Variants in PXK observed in about 807,000 individuals in gnomAD.
The protein encoded by PXK is PX domain containing serine/threonine kinase like, also known as PX domain-containing protein kinase-like protein.
PXK carries 35 observed loss-of-function variants against 84.7 expected under a neutral mutation model. The ratio of observed to expected loss-of-function variants is 0.41; its 90% CI spans 0.32 to 0.55. The LOEUF is 0.55. Ranked by LOEUF, PXK falls within the 20% of genes least tolerant of loss-of-function variation. The pLI, the probability that PXK is intolerant of heterozygous loss-of-function variation, is 0.21. For missense variants in PXK, 634 were observed against 699.7 expected (o/e 0.91, Z 1.06); for synonymous variants, 253 against 260.8 (o/e 0.97, Z 0.29).
chr3:58,333,657 T>A lies in PXK; in HGVS notation c.102+567T>A, dbSNP rs1575575137. The A allele has an allele frequency of 2.2e-6, 1 of 456,336 alleles. No homozygotes were observed. The highest frequency in any genetic ancestry group is 1.5e-5 in the South Asian group (1 of 64,552). 28.3% of individuals were successfully genotyped at this position (456,336 alleles called of 1,614,324 possible). ...GCTTGGCCCTGGTCCCGGGAAGTGG[T>A]GGGGGCGGCAGTCGGGGCGCTGTTA... is the stretch of plus-strand genomic sequence containing the variant. On this transcript the variant is annotated intron_variant, in intron 1 of 17. Coordinates refer to ENST00000356151, the MANE Select transcript of PXK (RefSeq NM_017771.5). The surrounding 1 kb of genome is among the most constrained non-coding windows in gnomAD (Gnocchi z 5.4).
At position 58,409,974 on chromosome 3, in the gene PXK, G is replaced by C. The variant is rs948482578; in HGVS notation, c.1396-116G>C. 3 of 680,146 alleles carry C rather than the reference G, an allele frequency of 4.4e-6. No individual in the cohort carries two copies. Among genetic ancestry groups the C allele is most frequent in the Non-Finnish European group, 7.7e-6 (3 of 390,804 alleles). The allele number at this position is 680,146 out of a possible 1,614,324, so 42.1% of individuals were successfully genotyped here. The stretch of plus-strand genomic sequence containing the variant: ...AAGTTATGGGGCTGAATATTACCTT[G>C]TCTGCAGCTAGTTTAATGGTATGCC... On this transcript the variant is annotated intron_variant, in intron 15 of 17. Transcript: ENST00000356151. This position sits in a 1 kb window ranked among gnomAD's most constrained non-coding sequence, Gnocchi z 4.2.
rs1030405980 is a variant in PXK, at chr3:58,421,536, C to T, written c.1529-3216C>T. ...CGGAGCTTGCAGTGAGCCGAGATCGCGCCACTGCACTCCAGCCTGGGCAAC... is the reference window on the plus strand; with the variant it reads ...CGGAGCTTGCAGTGAGCCGAGATCGTGCCACTGCACTCCAGCCTGGGCAAC... On this transcript the variant is annotated intron_variant, in intron 17 of 17. Transcript: ENST00000356151. This position sits in a 1 kb window ranked among gnomAD's most constrained non-coding sequence, Gnocchi z 5.5. The T allele has an allele frequency of 6.4e-6, 6 of 941,128 alleles. No individual in the cohort carries two copies. The highest frequency in any genetic ancestry group is 1.8e-5 in the African/African-American group (1 of 56,130). The allele number at this position is 941,128 out of a possible 1,614,324, so 58.3% of individuals were successfully genotyped here. A position where few individuals can be genotyped will look rare whatever the true frequency, so the allele number is the denominator to read the frequency against.
chr3:58,378,508 T>TG (rs1478546551), intron 3 of PXK, among the ~76,000 whole-genome samples: 52 of 28,510 alleles, frequency 1.8e-3, no homozygotes, highest in African/African-American at 4.2e-3. Flanking sequence ...TTTTTTTTTT[T>TG]TTTTTGTGTG....
At chr3:58,384,844 G>C (rs2108837150) in intron 4 of PXK, among the ~76,000 whole-genome samples, 1 of 152,306 alleles carries the variant, frequency 6.6e-6, no homozygotes, top group Non-Finnish European at 1.5e-5. Context: ...TCAGGGAGCT[G>C]GTACCAGAAG....
At chr3:58,378,510 T>TG (rs1448463917) in intron 3 of PXK, among the ~76,000 whole-genome samples, 9 of 27,722 alleles carry the variant, frequency 3.2e-4, no homozygotes, top group South Asian at 3.8e-3. Context: ...TTTTTTTTTT[T>TG]TTTGTGTGTG....
Position 58,422,683 on chromosome 3 carries a change from T to G in PXK, c.1529-2069T>G, listed in dbSNP as rs114512652. On this transcript the variant is annotated intron_variant, in intron 17 of 17. Transcript: ENST00000356151. The stretch of plus-strand genomic sequence containing the variant: ...CTGGTAATGACGCCAAAACCAAGGG[T>G]TGGTTCTCTGTGAGGCCAAGCAGTT... The G allele has an allele frequency of 2.0e-3, 1,995 of 985,226 alleles. 39 individuals carry two copies. The African/African-American group carries it at 0.033, about 16-fold the overall frequency. 61.0% of individuals were successfully genotyped at this position (985,226 alleles called of 1,614,324 possible). A position where few individuals can be genotyped will look rare whatever the true frequency, so the allele number is the denominator to read the frequency against.
chr3:58,334,385 G>A (rs1316110484), intron 1 of PXK, among the ~76,000 whole-genome samples: 2 of 152,174 alleles, frequency 1.3e-5, no homozygotes, highest in African/African-American at 4.8e-5. Flanking sequence ...TGTTAAACTT[G>A]CTATCATTTG....
intron 17 of PXK, among the ~76,000 whole-genome samples, chr3:58,424,044 G>A (rs907346939): frequency 1.3e-5 from 2 of 152,192 alleles, no homozygotes; most frequent in African/African-American, 4.8e-5. Context: ...AACAGTACTT[G>A]AGAAGGATTT....
chr3:58,334,951 G>C (rs866278682), intron 1 of PXK, among the ~76,000 whole-genome samples: 547 of 125,368 alleles, frequency 4.4e-3, no homozygotes, highest in Middle Eastern at 0.012. Context: ...GTGTGTGTGT[G>C]TGTGTGTCTG....
At chr3:58,417,638 T>C (rs547586631) in intron 17 of PXK, among the ~76,000 whole-genome samples, 1 of 152,360 alleles carries the variant, frequency 6.6e-6, no homozygotes, top group South Asian at 2.1e-4. Flanking sequence ...CCTAGCACTG[T>C]CTTTTCTGCA....
chr3:58,350,433 C>A (rs1485679931), intron 1 of PXK, among the ~76,000 whole-genome samples: 1 of 152,070 alleles, frequency 6.6e-6, no homozygotes, highest in South Asian at 2.1e-4. Context: ...TGCCCTTCAC[C>A]CTGTCAGCTT....
intron 3 of PXK, among the ~76,000 whole-genome samples, chr3:58,371,938 C>T (rs2108551292): frequency 6.6e-6 from 1 of 152,196 alleles, no homozygotes; most frequent in Non-Finnish European, 1.5e-5. Flanking sequence ...ACCAAAAAGA[C>T]TCAAACCTCA....
intron 17 of PXK, among the ~76,000 whole-genome samples, chr3:58,420,033 C>A (rs1298126660): frequency 6.6e-6 from 1 of 152,244 alleles, no homozygotes; most frequent in African/African-American, 2.4e-5. Flanking sequence ...TGCTCACACT[C>A]CTCCCAACTT....
At chr3:58,357,151 C>T (rs571071298) in intron 1 of PXK, among the ~76,000 whole-genome samples, 3 of 151,784 alleles carry the variant, frequency 2.0e-5, no homozygotes, top group South Asian at 4.2e-4. Context: ...TGGCGGCACA[C>T]GCCTGTAGTC....
chr3:58,389,677 CA>C (rs1553789286), intron 4 of PXK, among the ~76,000 whole-genome samples: 18 of 53,364 alleles, frequency 3.4e-4, no homozygotes, highest in Middle Eastern at 0.013. Flanking sequence ...CAAAAACAAA[CA>C]AAAAAAAAAA....
chr3:58,350,820 A>T (rs1480787621), intron 1 of PXK, among the ~76,000 whole-genome samples: 1 of 152,162 alleles, frequency 6.6e-6, no homozygotes, highest in African/African-American at 2.4e-5. Flanking sequence ...GGTCACTTCC[A>T]CAGTTGGTTA....
At chr3:58,380,556 A>G (rs2098488424) in intron 3 of PXK, among the ~76,000 whole-genome samples, 2 of 152,364 alleles carry the variant, frequency 1.3e-5, no homozygotes, top group South Asian at 2.1e-4. Context: ...CACGCCTGTA[A>G]TCCCAATACT....
At chr3:58,360,544 C>A (rs982852659) in intron 1 of PXK, among the ~76,000 whole-genome samples, 1 of 152,016 alleles carries the variant, frequency 6.6e-6, no homozygotes, top group Non-Finnish European at 1.5e-5. Flanking sequence ...TACCTGTAAT[C>A]CCAGCTCCAG....
chr3:58,380,259 A>G (rs2098485073), intron 3 of PXK, among the ~76,000 whole-genome samples: 5 of 151,916 alleles, frequency 3.3e-5, no homozygotes, highest in Non-Finnish European at 7.4e-5. Context: ...AACAACAACA[A>G]AAAATGGATC....
Sources: gnomAD v4.1 joint callset for allele counts (sites outside exome capture counted in the v4.1 genomes callset) on GRCh38, gnomAD v4.1.1 for gene constraint, Gnocchi (gnomAD v3.1) non-coding constraint, MANE v1.5 for transcripts, NCBI Gene and HGNC (gene_info 2026-07-23, HGNC 2026-07-21) for gene names.